Variants in HAPSTR1 observed in about 807,000 individuals in gnomAD.
HAPSTR1 encodes HUWE1 associated protein modifying stress responses.
At chr16:9,101,037 A>C in the HAPSTR1 span, among the ~76,000 whole-genome samples, 1 of 152,270 alleles carries the variant, frequency 6.6e-6, no homozygotes, top group Non-Finnish European at 1.5e-5. Flanking sequence ...TAGGTAGGAT[A>C]GGTTTAAAAA....
the HAPSTR1 span, among the ~76,000 whole-genome samples, chr16:9,097,043 G>A: frequency 2.6e-5 from 4 of 151,900 alleles, no homozygotes; most frequent in East Asian, 5.9e-4. Context: ...TGGTTCAAGC[G>A]ATTCTCCTGC....
chr16:9,092,297 C>T, the HAPSTR1 span: 3 of 1,468,404 alleles, frequency 2.0e-6, no homozygotes, highest in South Asian at 2.6e-5. Flanking sequence ...CATCTTGGTA[C>T]CGCTTGGCCG....
chr16:9,093,311 G>T, the HAPSTR1 span, among the ~76,000 whole-genome samples: 1 of 152,166 alleles, frequency 6.6e-6, no homozygotes, highest in Non-Finnish European at 1.5e-5. Context: ...AACCGCCCCG[G>T]CCCCCTCTCA....
At chr16:9,092,219 C>A in the HAPSTR1 span, 8 of 1,587,216 alleles carry the variant, frequency 5.0e-6, no homozygotes, top group African/African-American at 9.4e-5. Flanking sequence ...GCAGCAGAAG[C>A]TGTGGCACCT....
chr16:9,103,651 T>G, the HAPSTR1 span: 20 of 172,962 alleles, frequency 1.2e-4, no homozygotes, highest in Non-Finnish European at 2.4e-4. Context: ...GGTGGGAAAT[T>G]GTTGGGTTAG....
chr16:9,101,858 A>G, the HAPSTR1 span, among the ~76,000 whole-genome samples: 1 of 151,978 alleles, frequency 6.6e-6, no homozygotes, highest in East Asian at 1.9e-4. Flanking sequence ...GCAGTGGCTC[A>G]CGCCTGTAAT....
chr16:9,092,311 C>G, the HAPSTR1 span: 3 of 1,434,476 alleles, frequency 2.1e-6, no homozygotes, highest in Non-Finnish European at 2.8e-6. Flanking sequence ...TTGGCCGCCC[C>G]CGCCCGGGCC....
At chr16:9,113,027 G>GTTTT in the HAPSTR1 span, 1 of 128,304 alleles carries the variant, frequency 7.8e-6, no homozygotes, top group Admixed American at 7.6e-5. Context: ...TGTTTTTTTT[G>GTTTT]TTTTTTTTTG....
At chr16:9,118,233 C>G in the HAPSTR1 span, 3 of 152,530 alleles carry the variant, frequency 2.0e-5, no homozygotes, top group African/African-American at 7.2e-5. Context: ...TATTATATAT[C>G]AAGTAGGACA....
the HAPSTR1 span, chr16:9,105,028 C>T: frequency 3.3e-5 from 5 of 152,116 alleles, no homozygotes; most frequent in Non-Finnish European, 7.3e-5. Context: ...GTTATCTTAA[C>T]GTAGTAGTAG....
At chr16:9,102,254 C>T in the HAPSTR1 span, among the ~76,000 whole-genome samples, 1 of 152,208 alleles carries the variant, frequency 6.6e-6, no homozygotes, top group Non-Finnish European at 1.5e-5. Context: ...GTTCTGCTGG[C>T]ACAGCAGCTC....
the HAPSTR1 span, among the ~76,000 whole-genome samples, chr16:9,102,043 C>T: frequency 4.7e-3 from 717 of 152,254 alleles, 5 homozygotes; most frequent in Middle Eastern, 0.017. Flanking sequence ...ACCCTGGAGG[C>T]GGAGGTTGCA....
the HAPSTR1 span, chr16:9,116,574 T>C: frequency 6.8e-7 from 1 of 1,477,516 alleles, no homozygotes; most frequent in East Asian, 2.3e-5. Flanking sequence ...TAGGCAGACA[T>C]GCTTTGACAT....
chr16:9,116,344 A>G, the HAPSTR1 span, among the ~76,000 whole-genome samples: 1 of 152,210 alleles, frequency 6.6e-6, no homozygotes, highest in East Asian at 1.9e-4. Context: ...TCCTGTCCTT[A>G]TCTGTAAATT....
At chr16:9,092,410 G>GC in the HAPSTR1 span, 1 of 737,060 alleles carries the variant, frequency 1.4e-6, no homozygotes. Flanking sequence ...CCGCGGCCCT[G>GC]CCGCCCCCTC....
chr16:9,102,091 A>G, the HAPSTR1 span, among the ~76,000 whole-genome samples: 1 of 152,248 alleles, frequency 6.6e-6, no homozygotes, highest in Non-Finnish European at 1.5e-5. Flanking sequence ...CAGCCTGGGC[A>G]ACAGAGAGAC....
the HAPSTR1 span, chr16:9,092,317 G>C: frequency 7.0e-7 from 1 of 1,428,114 alleles, no homozygotes; most frequent in African/African-American, 1.5e-5. Context: ...GCCCCCGCCC[G>C]GGCCCGGCCC....
At chr16:9,092,351 C>T in the HAPSTR1 span, 1 of 1,190,120 alleles carries the variant, frequency 8.4e-7, no homozygotes. Context: ...TCAGCGGCCG[C>T]TTCGGGGGGC....
At chr16:9,094,219 GTAA>G in the HAPSTR1 span, among the ~76,000 whole-genome samples, 14 of 152,278 alleles carry the variant, frequency 9.2e-5, no homozygotes, top group Admixed American at 2.6e-4. Flanking sequence ...ATGAGGAACT[GTAA>G]TAATAATAGT....
Sources: gnomAD v4.1 joint callset for allele counts (sites outside exome capture counted in the v4.1 genomes callset) on GRCh38, gnomAD v4.1.1 for gene constraint, MANE v1.5 for transcripts, NCBI Gene and HGNC (gene_info 2026-07-23, HGNC 2026-07-21) for gene names.